Variants in AK7 observed in about 807,000 individuals in gnomAD.
The protein encoded by AK7 is adenylate kinase 7.
A neutral mutation model predicts 96.6 loss-of-function variants in AK7; 78 were observed. That is an observed-to-expected ratio of 0.81 (90% confidence interval 0.67 to 0.97). The LOEUF (loss-of-function observed/expected upper bound fraction) is 0.97, where lower values mean the gene tolerates loss of function less well. Among genes scored for constraint, AK7 ranks in the 50% least tolerant of loss-of-function variants. The pLI is 0.00. For missense variants in AK7, 855 were observed against 887.9 expected (o/e 0.96, Z 0.47); for synonymous variants, 302 against 317.2 (o/e 0.95, Z 0.51).
intron 5 of AK7, among the ~76,000 whole-genome samples, chr14:96,435,413 G>A (rs942822139): frequency 2.0e-5 from 3 of 152,118 alleles, no homozygotes; most frequent in African/African-American, 7.2e-5. Flanking sequence ...CTAGATGCAA[G>A]ACAAAGTCCC....
chr14:96,474,975 T>C (rs570203609), intron 14 of AK7, among the ~76,000 whole-genome samples: 2 of 152,328 alleles, frequency 1.3e-5, no homozygotes, highest in South Asian at 4.1e-4. Context: ...GGGGATTAAA[T>C]TAAAACTCAG....
chr14:96,427,102 A>T (rs544779666), intron 5 of AK7, among the ~76,000 whole-genome samples: 1 of 152,106 alleles, frequency 6.6e-6, no homozygotes, highest in African/African-American at 2.4e-5. Context: ...AAAATTAGCC[A>T]GGCGTGGTAG....
intron 5 of AK7, among the ~76,000 whole-genome samples, chr14:96,428,260 A>T (rs1334181445): frequency 6.6e-6 from 1 of 151,276 alleles, no homozygotes; most frequent in East Asian, 1.9e-4. Flanking sequence ...GATGGTTTCC[A>T]GCTTCATCCA....
chr14:96,407,571 CT>C (rs1890780639), intron 3 of AK7, among the ~76,000 whole-genome samples: 1 of 127,856 alleles, frequency 7.8e-6, no homozygotes, highest in Non-Finnish European at 1.6e-5. Context: ...ATGTTTCTTT[CT>C]TTCTTTTCTT....
intron 16 of AK7, among the ~76,000 whole-genome samples, chr14:96,484,753 T>C (rs761000129): frequency 2.0e-5 from 3 of 152,242 alleles, no homozygotes; most frequent in Non-Finnish European, 4.4e-5. Flanking sequence ...CTACCTATTA[T>C]ATACATTTTA....
At chr14:96,469,047 A>T (rs1463450023) in intron 12 of AK7, among the ~76,000 whole-genome samples, 1 of 152,096 alleles carries the variant, frequency 6.6e-6, no homozygotes, top group Non-Finnish European at 1.5e-5. Context: ...GCATCCCATA[A>T]TTACCAAAAA....
chr14:96,442,635 G>A, intron 6 of AK7, 95 bp from the exon 7 acceptor site: 1 of 915,348 alleles, frequency 1.1e-6, no homozygotes, highest in South Asian at 1.3e-5. Context: ...AGATAGCTAG[G>A]CCTTTCAGTT....
intron 15 of AK7, 51 bp from the exon 16 acceptor site, chr14:96,482,948 A>T: frequency 6.4e-7 from 1 of 1,564,750 alleles, no homozygotes; most frequent in Non-Finnish European, 8.8e-7. Context: ...TCCCAATTGC[A>T]GGCAGGCCTA....
intron 5 of AK7, among the ~76,000 whole-genome samples, chr14:96,422,361 A>G (rs1891751623): frequency 6.6e-6 from 1 of 152,248 alleles, no homozygotes; most frequent in African/African-American, 2.4e-5. Context: ...GGTTACAAAC[A>G]ATCCATAGAT....
At chr14:96,412,510 G>A (rs1320363053) in intron 4 of AK7, among the ~76,000 whole-genome samples, 4 of 150,956 alleles carry the variant, frequency 2.6e-5, no homozygotes, top group Non-Finnish European at 5.9e-5. Flanking sequence ...TTACAGACAC[G>A]AGCCACTGCG....
intron 7 of AK7, among the ~76,000 whole-genome samples, chr14:96,443,608 C>G (rs534374905): frequency 2.0e-5 from 3 of 152,094 alleles, no homozygotes; most frequent in South Asian, 4.2e-4. Context: ...TTTCCAAGAC[C>G]CTGAACCTAA....
chr14:96,449,662 G>A, intron 8 of AK7, 140 bp from the exon 9 acceptor site: 1 of 596,472 alleles, frequency 1.7e-6, no homozygotes, highest in Non-Finnish European at 3.0e-6. Flanking sequence ...TCAAACTCCT[G>A]ATTACGGGTG....
intron 12 of AK7, among the ~76,000 whole-genome samples, chr14:96,458,912 CAAAAAAA>C (rs780061684): frequency 3.4e-4 from 8 of 23,518 alleles, no homozygotes; most frequent in Non-Finnish European, 8.1e-4. Context: ...CCTGTCTCAA[CAAAAAAA>C]AAAAAAAAAA....
chr14:96,456,719 G>T, intron 11 of AK7: 1 of 352,042 alleles, frequency 2.8e-6, no homozygotes, highest in Non-Finnish European at 5.3e-6. Context: ...ACAGCCTGTT[G>T]GATGTGGCGC....
At chr14:96,398,463 T>C (rs1441678339) in intron 2 of AK7, 200 bp downstream of exon 2, 1 of 605,200 alleles carries the variant, frequency 1.7e-6, no homozygotes, top group Non-Finnish European at 2.9e-6. Context: ...GCAAAGAGTT[T>C]AAATTAGATA....
chr14:96,455,626 C>T (rs376772225), intron 10 of AK7, among the ~76,000 whole-genome samples: 196 of 152,326 alleles, frequency 1.3e-3, no homozygotes, highest in African/African-American at 4.6e-3. Flanking sequence ...GCACAATGCC[C>T]TGTACTGTGC....
intron 8 of AK7, among the ~76,000 whole-genome samples, chr14:96,447,704 A>C (rs8004363): frequency 0.077 from 11,513 of 150,486 alleles, 1,487 homozygotes; most frequent in African/African-American, 0.26. Context: ...AGCTCACTGC[A>C]ACCTCAAACT....
intron 3 of AK7, among the ~76,000 whole-genome samples, chr14:96,408,581 A>C (rs1382096642): frequency 6.6e-6 from 1 of 152,262 alleles, no homozygotes; most frequent in Non-Finnish European, 1.5e-5. Flanking sequence ...ACTGATGAGC[A>C]TAGTGGAGAG....
chr14:96,487,949 G>A, intron 17 of AK7: 3 of 365,214 alleles, frequency 8.2e-6, no homozygotes, highest in Non-Finnish European at 1.6e-5. Context: ...TTTCACTCTT[G>A]TTGCTCAGGT....
Sources: gnomAD v4.1 joint callset for allele counts (sites outside exome capture counted in the v4.1 genomes callset) on GRCh38, gnomAD v4.1.1 for gene constraint, MANE v1.5 for transcripts, NCBI Gene and HGNC (gene_info 2026-07-23, HGNC 2026-07-21) for gene names.